SLC22A3: variants seen among roughly 807,000 people sequenced by gnomAD.
SLC22A3 encodes EMT organic cation transporter 3.
A neutral mutation model predicts 59.1 loss-of-function variants in SLC22A3; 51 were observed. The observed-to-expected ratio is 0.86, with a 90% CI of 0.69 to 1.09. The LOEUF is 1.09. SLC22A3 is among the 50% of genes least tolerant of loss of function. The pLI, the probability that SLC22A3 is intolerant of heterozygous loss-of-function variation, is 0.00. For synonymous variants in SLC22A3, 325 were observed against 292.0 expected (o/e 1.11, Z -1.15); for missense variants, 711 against 726.3 (o/e 0.98, Z 0.24).
At position 160,437,664 on chromosome 6, in the gene SLC22A3, T is replaced by C. The variant is rs548757088; in HGVS notation, c.1288+453T>C. ...TTTAATATTGTCACGATTCTTATTG[T>C]CATGAATTATTTGTGAGATTTAGAA... On this transcript the variant is annotated intron_variant, in intron 7 of 10. Coordinates refer to ENST00000275300, the MANE Select transcript of SLC22A3 (RefSeq NM_021977.4). Among the ~76,000 whole-genome samples the C allele has an allele frequency of 1.3e-3, 204 of 152,350 alleles. 1 individual carries two copies. The highest frequency in any genetic ancestry group is 1.2e-3 in the Admixed American group (19 of 15,304).
chr6:160,436,815 CT>C lies in SLC22A3; in HGVS notation c.1016del (p.Leu339Ter). ...CAGATGAGGAAGTTAGTAATCCATC[CT>C]TTTTAGATCTGGTGAGAACTCCCCA... ...VTDEEVSNPS[F>X]LDLVRTPQMR... On this transcript the variant is annotated frameshift_variant, in exon 6 of 11. Transcript: ENST00000275300. LOFTEE classifies it high-confidence loss of function. 1 of 1,613,436 alleles carries C rather than the reference CT, an allele frequency of 6.2e-7. No individual in the cohort carries two copies. The highest frequency in any genetic ancestry group is 1.3e-5 in the African/African-American group (1 of 74,926).
At chr6:160,425,531 T>C (rs936047565) in intron 5 of SLC22A3, among the ~76,000 whole-genome samples, 1 of 152,216 alleles carries the variant, frequency 6.6e-6, no homozygotes, top group Non-Finnish European at 1.5e-5. Flanking sequence ...TTTTTCTTTT[T>C]GAGCTGTTTT....
intron 1 of SLC22A3, among the ~76,000 whole-genome samples, chr6:160,396,833 C>A (rs1786492281): frequency 1.3e-5 from 2 of 151,964 alleles, no homozygotes; most frequent in South Asian, 4.1e-4. Flanking sequence ...CTTATTGCCA[C>A]AGGAAAATTT....
intron 1 of SLC22A3, among the ~76,000 whole-genome samples, chr6:160,387,829 T>A (rs1012279414): frequency 2.6e-5 from 4 of 152,232 alleles, no homozygotes; most frequent in Non-Finnish European, 4.4e-5. Flanking sequence ...GAATAGCATG[T>A]GCATTTCACC....
intron 1 of SLC22A3, among the ~76,000 whole-genome samples, chr6:160,364,601 C>T (rs1340517835): frequency 6.6e-6 from 1 of 152,120 alleles, no homozygotes; most frequent in Non-Finnish European, 1.5e-5. Flanking sequence ...CTATCAAAAC[C>T]TATTGTTAGT....
At chr6:160,410,204 A>G (rs564970012) in intron 4 of SLC22A3, among the ~76,000 whole-genome samples, 13 of 152,116 alleles carry the variant, frequency 8.5e-5, no homozygotes, top group Non-Finnish European at 1.5e-4. Context: ...TTTAATAGAG[A>G]CAGAGTCTTA....
At chr6:160,396,981 A>C (rs1786497649) in intron 1 of SLC22A3, among the ~76,000 whole-genome samples, 1 of 152,190 alleles carries the variant, frequency 6.6e-6, no homozygotes, top group East Asian at 1.9e-4. Context: ...GCTCAAAGAG[A>C]AAAAAATTGA....
chr6:160,370,920 C>A (rs1785375976), intron 1 of SLC22A3, among the ~76,000 whole-genome samples: 1 of 152,044 alleles, frequency 6.6e-6, no homozygotes, highest in Non-Finnish European at 1.5e-5. Flanking sequence ...TTCTTGTGTC[C>A]AAATACAATC....
At chr6:160,351,413 C>G (rs1056589815) in intron 1 of SLC22A3, among the ~76,000 whole-genome samples, 1 of 152,210 alleles carries the variant, frequency 6.6e-6, no homozygotes, top group African/African-American at 2.4e-5. Flanking sequence ...CCGCGCCCAG[C>G]CTCTTTTTAA....
chr6:160,403,842 A>C (rs1050048568), intron 2 of SLC22A3, among the ~76,000 whole-genome samples: 1 of 152,044 alleles, frequency 6.6e-6, no homozygotes, highest in Non-Finnish European at 1.5e-5. Flanking sequence ...GATACAGACA[A>C]AGTATTTGTC....
intron 5 of SLC22A3, among the ~76,000 whole-genome samples, chr6:160,433,747 C>G (rs1397553191): frequency 2.0e-5 from 3 of 152,078 alleles, no homozygotes; most frequent in Admixed American, 6.5e-5. Flanking sequence ...GTCAAACTAT[C>G]TACCTGAACT....
At chr6:160,419,746 A>T (rs1358151580) in intron 5 of SLC22A3, among the ~76,000 whole-genome samples, 1 of 152,224 alleles carries the variant, frequency 6.6e-6, no homozygotes, top group African/African-American at 2.4e-5. Context: ...ACTCATAAAA[A>T]TGGTAACTGT....
rs570739607 is a variant in SLC22A3 at position 160,419,129 on chromosome 6, T to C, written c.975+8283T>C. Among the ~76,000 whole-genome samples the C allele has an allele frequency of 2.2e-4, 34 of 152,250 alleles. 1 individual carries two copies. The highest frequency in any genetic ancestry group is 1.8e-3 in the Admixed American group (27 of 15,298). On this transcript the variant is annotated intron_variant, in intron 5 of 10. Transcript: ENST00000275300. ...ACCATTGTTTGAAATATTTGCAAAA[T>C]AGAAAAAATTAAAACCTCATTAGAA...
chr6:160,430,024 C>A (rs1038209245), intron 5 of SLC22A3, among the ~76,000 whole-genome samples: 15 of 151,992 alleles, frequency 9.9e-5, no homozygotes, highest in Non-Finnish European at 1.8e-4. Context: ...ATGTTGACAG[C>A]CTCTGTTACT....
At chr6:160,399,252 A>G (rs1450295335) in intron 2 of SLC22A3, among the ~76,000 whole-genome samples, 1 of 151,078 alleles carries the variant, frequency 6.6e-6, no homozygotes, top group African/African-American at 2.4e-5. Flanking sequence ...CTCCTGTTCT[A>G]CTTCTAGCCC....
intron 1 of SLC22A3, among the ~76,000 whole-genome samples, chr6:160,361,040 A>G (rs115445107): frequency 0.012 from 1,893 of 152,358 alleles, 34 homozygotes; most frequent in Middle Eastern, 0.058. Context: ...ACAGCATGGT[A>G]TTGGAACAAG....
At chr6:160,427,755 C>A (rs1788015062) in intron 5 of SLC22A3, among the ~76,000 whole-genome samples, 1 of 152,202 alleles carries the variant, frequency 6.6e-6, no homozygotes, top group Non-Finnish European at 1.5e-5. Flanking sequence ...TTTTCTCTCT[C>A]TTCAAAACAA....
chr6:160,423,695 G>C (rs1213814193), intron 5 of SLC22A3, among the ~76,000 whole-genome samples: 5 of 152,086 alleles, frequency 3.3e-5, no homozygotes, highest in African/African-American at 1.2e-4. Flanking sequence ...TTGCAAATTT[G>C]AGTTCTTTGT....
At chr6:160,382,594 C>T (rs1785838869) in intron 1 of SLC22A3, among the ~76,000 whole-genome samples, 1 of 152,146 alleles carries the variant, frequency 6.6e-6, no homozygotes, top group Non-Finnish European at 1.5e-5. Context: ...TATCTACTAG[C>T]TTTAGGCCCT....
Sources: allele counts gnomAD v4.1 joint callset (sites outside exome capture counted in the v4.1 genomes callset), GRCh38; gene constraint gnomAD v4.1.1; transcripts MANE v1.5; gene names NCBI Gene and HGNC (gene_info 2026-07-23, HGNC 2026-07-21).